PPP1R14C: variants seen among roughly 807,000 people sequenced by gnomAD.
PPP1R14C encodes protein phosphatase 1 regulatory subunit 14C.
PPP1R14C carries 16 observed loss-of-function variants against 20.4 expected under a neutral mutation model. The ratio of observed to expected loss-of-function variants is 0.78; its 90% CI spans 0.53 to 1.19. The LOEUF is 1.19. PPP1R14C is among the 50% of genes most tolerant of loss of function. PPP1R14C has a pLI of 0.00. For synonymous variants in PPP1R14C, 91 were observed against 91.0 expected (o/e 1.00, Z 0.00); for missense variants, 211 against 220.1 (o/e 0.96, Z 0.26).
intron 1 of PPP1R14C, among the ~76,000 whole-genome samples, chr6:150,205,008 T>TTG (rs1486507806): frequency 1.3e-5 from 2 of 151,692 alleles, no homozygotes; most frequent in Non-Finnish European, 2.9e-5. Context: ...TTTTTTTTTT[T>TTG]TTGTTAAACT....
At chr6:150,167,967 T>TCCCC (rs1562259770) in intron 1 of PPP1R14C, among the ~76,000 whole-genome samples, 95 of 146,910 alleles carry the variant, frequency 6.5e-4, no homozygotes, top group Admixed American at 8.0e-4. Context: ...TCCTCCCCTC[T>TCCCC]TTCTCTCCTT....
At chr6:150,212,398 C>G (rs1273588718) in intron 1 of PPP1R14C, among the ~76,000 whole-genome samples, 1 of 152,208 alleles carries the variant, frequency 6.6e-6, no homozygotes, top group Non-Finnish European at 1.5e-5. Context: ...GAGCCGTGCA[C>G]AGTCCTAAGG....
At chr6:150,191,777 T>C (rs1777749091) in intron 1 of PPP1R14C, among the ~76,000 whole-genome samples, 1 of 152,204 alleles carries the variant, frequency 6.6e-6, no homozygotes, top group African/African-American at 2.4e-5. Flanking sequence ...ATCTGCGTGT[T>C]TGAGTACTTA....
chr6:150,202,077 C>T (rs559038852), intron 1 of PPP1R14C, among the ~76,000 whole-genome samples: 137 of 152,292 alleles, frequency 9.0e-4, no homozygotes, highest in Admixed American at 1.6e-3. Flanking sequence ...CTGTGTGCCC[C>T]GGGGGCCTGC....
intron 3 of PPP1R14C, among the ~76,000 whole-genome samples, chr6:150,222,461 G>A (rs370927172): frequency 2.0e-5 from 3 of 152,036 alleles, no homozygotes; most frequent in East Asian, 1.9e-4. Flanking sequence ...CATCATTATC[G>A]CCCGAAGTCC....
chr6:150,224,309 A>T (rs1778204694), intron 3 of PPP1R14C, among the ~76,000 whole-genome samples: 1 of 152,144 alleles, frequency 6.6e-6, no homozygotes, highest in Non-Finnish European at 1.5e-5. Context: ...GTCCTGCAAC[A>T]TTGTGTTGGC....
At chr6:150,155,374 T>C (rs1426945992) in intron 1 of PPP1R14C, among the ~76,000 whole-genome samples, 1 of 152,184 alleles carries the variant, frequency 6.6e-6, no homozygotes, top group Non-Finnish European at 1.5e-5. Flanking sequence ...GATAGAATCA[T>C]AAAGCACCAT....
intron 1 of PPP1R14C, among the ~76,000 whole-genome samples, chr6:150,196,793 A>G (rs1436384657): frequency 6.6e-6 from 1 of 152,232 alleles, no homozygotes; most frequent in Non-Finnish European, 1.5e-5. Flanking sequence ...AGATGAGACA[A>G]CAATTTACTG....
intron 3 of PPP1R14C, among the ~76,000 whole-genome samples, chr6:150,236,740 G>A (rs1034016117): frequency 9.2e-5 from 14 of 151,992 alleles, no homozygotes; most frequent in East Asian, 5.8e-4. Context: ...GAATAAATAC[G>A]ATCTCCTTTG....
chr6:150,183,977 G>A (rs1304592540), intron 1 of PPP1R14C, among the ~76,000 whole-genome samples: 1 of 152,208 alleles, frequency 6.6e-6, no homozygotes, highest in East Asian at 1.9e-4. Flanking sequence ...TATTTCCCAA[G>A]TTTTAAGGAG....
At chr6:150,147,481 C>A (rs1777193104) in intron 1 of PPP1R14C, among the ~76,000 whole-genome samples, 1 of 152,112 alleles carries the variant, frequency 6.6e-6, no homozygotes, top group South Asian at 2.1e-4. Context: ...CCCAGCCAAC[C>A]CTGGTGGTTT....
At chr6:150,195,303 C>T (rs1777790217) in intron 1 of PPP1R14C, 1 of 366,368 alleles carries the variant, frequency 2.7e-6, no homozygotes, top group South Asian at 1.1e-4. Flanking sequence ...TTCCTGCCCT[C>T]AAGGAGCTCT....
intron 1 of PPP1R14C, among the ~76,000 whole-genome samples, chr6:150,197,246 G>A (rs1777815893): frequency 6.6e-6 from 1 of 152,104 alleles, no homozygotes; most frequent in South Asian, 2.1e-4. Context: ...CCCAGTGTGA[G>A]AGGCTCTGCT....
chr6:150,218,152 A>G (rs370038499), intron 3 of PPP1R14C, among the ~76,000 whole-genome samples: 165 of 152,190 alleles, frequency 1.1e-3, no homozygotes, highest in African/African-American at 3.8e-3. Flanking sequence ...GCCTGTGATC[A>G]CAGCACTTTG....
At chr6:150,205,290 C>A (rs928010066) in intron 1 of PPP1R14C, among the ~76,000 whole-genome samples, 2 of 152,162 alleles carry the variant, frequency 1.3e-5, no homozygotes, top group Non-Finnish European at 2.9e-5. Flanking sequence ...CCTCACTGAA[C>A]TTCTGGGACC....
At chr6:150,204,810 T>C (rs1777923835) in intron 1 of PPP1R14C, among the ~76,000 whole-genome samples, 1 of 152,140 alleles carries the variant, frequency 6.6e-6, no homozygotes, top group Admixed American at 6.5e-5. Flanking sequence ...AGGGACCGAC[T>C]CTGTGCTGAG....
At chr6:150,248,489 A>G (rs962660374) in intron 3 of PPP1R14C, among the ~76,000 whole-genome samples, 1 of 152,336 alleles carries the variant, frequency 6.6e-6, no homozygotes, top group Non-Finnish European at 1.5e-5. Context: ...TCAGGGGCCA[A>G]GTAGGTCATG....
At position 150,216,871 on chromosome 6, in the gene PPP1R14C, T is replaced by C. The variant is rs766436239; in HGVS notation, c.423+15T>C. The C allele has an allele frequency of 6.3e-7, 1 of 1,597,182 alleles. No homozygotes were observed. Among genetic ancestry groups the C allele is most frequent in the South Asian group, 1.1e-5 (1 of 88,250 alleles). On this transcript the variant is annotated intron_variant, in intron 3 of 3. Transcript: ENST00000361131. ...AACCAACAGAGGTAAGCAAATCACT[T>C]TTCCTAAATGCCATGTTTGAACTGG...
chr6:150,245,094 C>A (rs560642537), intron 3 of PPP1R14C, among the ~76,000 whole-genome samples: 1 of 152,042 alleles, frequency 6.6e-6, no homozygotes, highest in Admixed American at 6.6e-5. Context: ...GAACAGTGAC[C>A]TTAATTTTCT....
Sources: allele counts gnomAD v4.1 joint callset (sites outside exome capture counted in the v4.1 genomes callset), GRCh38; gene constraint gnomAD v4.1.1; transcripts MANE v1.5; gene names NCBI Gene and HGNC (gene_info 2026-07-23, HGNC 2026-07-21).